BAZ2B: variants seen among roughly 807,000 people sequenced by gnomAD.
The protein encoded by BAZ2B is bromodomain adjacent to zinc finger domain 2B.
A neutral mutation model predicts 246.0 loss-of-function variants in BAZ2B; 91 were observed. That is an observed-to-expected ratio of 0.37 (90% CI 0.31 to 0.44). The LOEUF (loss-of-function observed/expected upper bound fraction) is 0.44, where lower values mean the gene tolerates loss of function less well. BAZ2B is among the 20% of genes least tolerant of loss of function. The probability of loss-of-function intolerance (pLI) is 1.00; values close to 1 mark genes in which losing one functional copy is unlikely to be tolerated. For synonymous variants in BAZ2B, 855 were observed against 860.0 expected (o/e 0.99, Z 0.10); for missense variants, 2,332 against 2,533.7 (o/e 0.92, Z 1.71).
intron 2 of BAZ2B, among the ~76,000 whole-genome samples, chr2:159,535,440 T>G (rs1172949795): frequency 6.6e-6 from 1 of 152,212 alleles, no homozygotes. Flanking sequence ...AAGAACTGCT[T>G]GAACTCGGCA....
At chr2:159,397,257 A>C in intron 19 of BAZ2B, 88 bp downstream of exon 19, 1 of 1,290,448 alleles carries the variant, frequency 7.7e-7, no homozygotes, top group Non-Finnish European at 1.1e-6. Context: ...AATTTTAAAG[A>C]AAATATTTTG....
chr2:159,643,444 C>A, the BAZ2B span, among the ~76,000 whole-genome samples: 1 of 152,106 alleles, frequency 6.6e-6, no homozygotes, highest in Non-Finnish European at 1.5e-5. Context: ...CCTTACAGGC[C>A]CCATTTCCAA....
the BAZ2B span, among the ~76,000 whole-genome samples, chr2:159,691,834 A>G: frequency 1.2e-4 from 18 of 152,226 alleles, no homozygotes; most frequent in Non-Finnish European, 1.3e-4. Context: ...TCTGGAGATG[A>G]TAAGTATCAT....
At chr2:159,689,617 G>A in the BAZ2B span, 15 of 241,904 alleles carry the variant, frequency 6.2e-5, no homozygotes, top group African/African-American at 2.6e-4. Context: ...CAAATTATCC[G>A]CCCACCTCAG....
chr2:159,550,997 A>T (rs552967686), intron 2 of BAZ2B, among the ~76,000 whole-genome samples: 1 of 152,182 alleles, frequency 6.6e-6, no homozygotes, highest in South Asian at 2.1e-4. Context: ...CACCATGCCT[A>T]GCTGATTTTG....
intron 1 of BAZ2B, among the ~76,000 whole-genome samples, chr2:159,613,480 C>CTTT (rs1394754498): frequency 1.1e-5 from 1 of 94,030 alleles, no homozygotes; most frequent in Non-Finnish European, 2.1e-5. Flanking sequence ...AAAAAAAAGA[C>CTTT]TCTTCATCAT....
Position 159,350,097 on chromosome 2 carries a change from C to T in BAZ2B, c.4474G>A (p.Gly1492Ser). Reference protein sequence around the residue: ...SEVMTPKPNAGANGCTLSYQN... With the variant: ...SEVMTPKPNASANGCTLSYQN... ...TAAGACAACGTGCACCCATTTGCAC[C>T]AGCATTTGGTTTGGGGGTCATAACC... is the stretch of plus-strand genomic sequence containing the variant. Residue 1492 changes from glycine (G) to serine (S), a missense_variant, in exon 28 of 37, where the codon GGT becomes AGT. Coordinates refer to ENST00000392783, the MANE Select transcript of BAZ2B (RefSeq NM_013450.4). The T allele has an allele frequency of 6.2e-7, 1 of 1,614,060 alleles. No homozygotes were observed. Among genetic ancestry groups the T allele is most frequent in the South Asian group, 1.1e-5 (1 of 91,076 alleles).
intron 2 of BAZ2B, among the ~76,000 whole-genome samples, chr2:159,490,218 TCAAA>T (rs1389032681): frequency 1.3e-5 from 2 of 152,108 alleles, no homozygotes; most frequent in African/African-American, 2.4e-5. Flanking sequence ...AAACCATACA[TCAAA>T]CAGATATGAA....
the BAZ2B span, among the ~76,000 whole-genome samples, chr2:159,676,110 G>A: frequency 1.3e-5 from 2 of 152,150 alleles, no homozygotes; most frequent in East Asian, 3.9e-4. Context: ...GGCCAGGCTG[G>A]TCTTGAACTC....
chr2:159,411,932 A>C, intron 14 of BAZ2B: 1 of 985,358 alleles, frequency 1.0e-6, no homozygotes, highest in African/African-American at 1.7e-5. Flanking sequence ...TCTGACTGAA[A>C]ATTTACTCCA....
At chr2:159,576,653 C>T (rs1040285566) in intron 1 of BAZ2B, among the ~76,000 whole-genome samples, 9 of 151,898 alleles carry the variant, frequency 5.9e-5, no homozygotes, top group African/African-American at 2.2e-4. Flanking sequence ...GTGGCTCACA[C>T]CTGTAATCCC....
At chr2:159,623,373 A>C in the BAZ2B span, among the ~76,000 whole-genome samples, 1 of 152,204 alleles carries the variant, frequency 6.6e-6, no homozygotes, top group African/African-American at 2.4e-5. Flanking sequence ...GTCTCAGAAA[A>C]AAAACAAAAA....
chr2:159,618,404 C>A (rs1214765871), upstream of BAZ2B, among the ~76,000 whole-genome samples: 1 of 152,104 alleles, frequency 6.6e-6, no homozygotes, highest in East Asian at 1.9e-4. Context: ...ATTATTAACT[C>A]ATATTTAATT....
chr2:159,692,547 T>A, the BAZ2B span, among the ~76,000 whole-genome samples: 1 of 152,172 alleles, frequency 6.6e-6, no homozygotes, highest in Admixed American at 6.5e-5. Flanking sequence ...TTCCAATATA[T>A]TTATTGAAAC....
intron 8 of BAZ2B, among the ~76,000 whole-genome samples, chr2:159,437,073 A>G (rs911816431): frequency 2.0e-5 from 3 of 152,216 alleles, no homozygotes; most frequent in Non-Finnish European, 4.4e-5. Context: ...TATTATTACC[A>G]ATAAGTTAAC....
chr2:159,501,896 G>A (rs1360155851), intron 2 of BAZ2B, among the ~76,000 whole-genome samples: 1 of 152,150 alleles, frequency 6.6e-6, no homozygotes. Context: ...CATAGCTATT[G>A]TTCATAATAG....
At chr2:159,390,015 T>C (rs1227228630) in intron 20 of BAZ2B, among the ~76,000 whole-genome samples, 1 of 152,138 alleles carries the variant, frequency 6.6e-6, no homozygotes, top group African/African-American at 2.4e-5. Context: ...GGCAACAATA[T>C]GGAAATAACT....
chr2:159,451,908 T>A (rs929922685), intron 4 of BAZ2B, among the ~76,000 whole-genome samples: 11 of 152,182 alleles, frequency 7.2e-5, no homozygotes, highest in African/African-American at 2.7e-4. Flanking sequence ...AGCAACAGTG[T>A]AATAAAGCAT....
At chr2:159,428,614 A>T (rs1275810466) in intron 11 of BAZ2B, among the ~76,000 whole-genome samples, 195 bp from the exon 12 acceptor site, 1 of 152,202 alleles carries the variant, frequency 6.6e-6, no homozygotes, top group African/African-American at 2.4e-5. Flanking sequence ...AAAATTAATT[A>T]TTCAATTTAT....
Sources: gnomAD v4.1 joint callset for allele counts (sites outside exome capture counted in the v4.1 genomes callset) on GRCh38, gnomAD v4.1.1 for gene constraint, MANE v1.5 for transcripts, NCBI Gene and HGNC (gene_info 2026-07-23, HGNC 2026-07-21) for gene names.